The following TBATA variants were observed in gnomAD, a reference collection of about 807,000 sequenced individuals.
TBATA encodes thymus, brain and testes associated, also known as protein TBATA.
TBATA carries 47 observed loss-of-function variants against 38.7 expected under a neutral mutation model. The ratio of observed to expected loss-of-function variants is 1.21; its 90% CI spans 0.96 to 1.55. The LOEUF (loss-of-function observed/expected upper bound fraction) is 1.55, where lower values mean the gene tolerates loss of function less well. Among genes scored for constraint, TBATA ranks in the 40% most tolerant of loss-of-function variants. The pLI, the probability that TBATA is intolerant of heterozygous loss-of-function variation, is 0.00. For missense variants in TBATA, 436 were observed against 435.6 expected (o/e 1.00, Z -0.01); for synonymous variants, 183 against 170.5 (o/e 1.07, Z -0.57).
At position 70,781,851 on chromosome 10, in the gene TBATA, G is replaced by C; in HGVS notation, c.227C>G (p.Ser76Cys). 1 of 1,614,148 alleles carries C rather than the reference G, an allele frequency of 6.2e-7. No homozygotes were observed. Among genetic ancestry groups the C allele is most frequent in the Non-Finnish European group, 8.5e-7 (1 of 1,179,964 alleles). Residue 76 changes from serine to cysteine, a missense_variant, in exon 4 of 11, where the codon TCC becomes TGC. Coordinates refer to ENST00000456372, the MANE Select transcript of TBATA (RefSeq NM_001318241.2). ...TYCFGRLSHHSFFSRHHPHPQ... is the reference protein window; with the variant it reads ...TYCFGRLSHHCFFSRHHPHPQ... ...GTGTGGGTGGTGCCGGGAGAAGAAG[G>C]AGTGGTGACTGAGGCGTCCAAAGCA...
intron 8 of TBATA, 63 bp downstream of exon 8, chr10:70,775,126 A>C: frequency 6.7e-7 from 1 of 1,487,430 alleles, no homozygotes; most frequent in Non-Finnish European, 9.3e-7. Context: ...CTGCAGAACC[A>C]GAGATCAAGG....
intron 7 of TBATA, among the ~76,000 whole-genome samples, chr10:70,776,071 G>A (rs1411901691): frequency 2.0e-5 from 3 of 152,168 alleles, no homozygotes; most frequent in Admixed American, 6.5e-5. Context: ...GGCCTGAGGT[G>A]AAAGGTGGAA....
At chr10:70,783,842 C>T (rs183161700) in intron 2 of TBATA, among the ~76,000 whole-genome samples, 134 of 152,256 alleles carry the variant, frequency 8.8e-4, no homozygotes, top group African/African-American at 3.0e-3. Flanking sequence ...CTTAACAATT[C>T]TTGGTTTTGC....
At chr10:70,776,278 C>G (rs1564581289) in intron 7 of TBATA, 1 of 454,318 alleles carries the variant, frequency 2.2e-6, no homozygotes, top group African/African-American at 2.0e-5. Context: ...TGCTGACCCA[C>G]CCTGACCTGC....
chr10:70,772,336 A>G, intron 10 of TBATA, 178 bp downstream of exon 10: 1 of 744,580 alleles, frequency 1.3e-6, no homozygotes, highest in Non-Finnish European at 2.4e-6. Flanking sequence ...AGTTCAGCAC[A>G]TTGTGGGTGC....
intron 6 of TBATA, 146 bp downstream of exon 6, chr10:70,778,410 CT>C (rs1843695788): frequency 1.2e-6 from 1 of 829,498 alleles, no homozygotes; most frequent in Admixed American, 1.8e-5. Context: ...TGCTCTCTCC[CT>C]CACTGTGACC....
At position 70,778,685 on chromosome 10, in the gene TBATA, C is replaced by T. The variant is rs777794248; in HGVS notation, c.428-49G>A. The T allele has an allele frequency of 3.2e-6, 5 of 1,543,574 alleles. No homozygotes were observed. The South Asian group carries it at 3.3e-5, about 10-fold the overall frequency. On this transcript the variant is annotated intron_variant, in intron 5 of 10. Transcript: ENST00000456372. ...GCCAACTGAAGTCAGGGGCCCTCCT[C>T]CCCTCCCTGTGCCACCAGGCCTTGG... is the stretch of plus-strand genomic sequence containing the variant.
chr10:70,771,318 A>T lies in TBATA; in HGVS notation c.*58T>A, dbSNP rs1175904121. On this transcript the variant is annotated 3_prime_UTR_variant, in exon 11 of 11. Coordinates refer to ENST00000456372, the MANE Select transcript of TBATA (RefSeq NM_001318241.2). ...TGCTGTGAAGGTGGTGGAGACAGAAACACCCCTGAACCCTTGGGGCTGCTC... is the reference window on the plus strand; with the variant it reads ...TGCTGTGAAGGTGGTGGAGACAGAATCACCCCTGAACCCTTGGGGCTGCTC... The T allele has an allele frequency of 1.2e-6, 2 of 1,613,880 alleles. No individual in the cohort carries two copies. The highest frequency in any genetic ancestry group is 1.7e-6 in the Non-Finnish European group (2 of 1,179,848).
intron 9 of TBATA, among the ~76,000 whole-genome samples, chr10:70,773,972 C>A (rs1181123185): frequency 6.6e-6 from 1 of 152,382 alleles, no homozygotes; most frequent in East Asian, 1.9e-4. Flanking sequence ...AAAATTGACT[C>A]CGGTGGCCCC....
chr10:70,772,132 C>T (rs905024389), intron 10 of TBATA: 14 of 449,174 alleles, frequency 3.1e-5, no homozygotes, highest in African/African-American at 1.2e-4. Flanking sequence ...TCTTTCCTGC[C>T]GTTCAGCTCT....
intron 8 of TBATA, 25 bp downstream of exon 8, chr10:70,775,164 C>T: frequency 6.3e-7 from 1 of 1,596,636 alleles, no homozygotes; most frequent in South Asian, 1.1e-5. Flanking sequence ...TCCACTGAGA[C>T]AGTGCTGCGG....
intron 7 of TBATA, 51 bp downstream of exon 7, chr10:70,777,102 A>G: frequency 6.3e-7 from 1 of 1,580,154 alleles, no homozygotes; most frequent in Non-Finnish European, 8.6e-7. Context: ...GCGGTTTGTA[A>G]GACCCCTAAT....
At position 70,774,215 on chromosome 10, in the gene TBATA, G is replaced by T. The variant is rs1315101050; in HGVS notation, c.918C>A (p.Cys306Ter). The T allele has an allele frequency of 6.2e-7, 1 of 1,611,950 alleles. No homozygotes were observed. Among genetic ancestry groups the T allele is most frequent in the East Asian group, 2.2e-5 (1 of 44,860 alleles). Residue 306 changes from cysteine (C) to a stop codon, truncating the protein, a stop_gained and splice_region_variant, in exon 9 of 11, where the codon TGC becomes TGA. Coordinates refer to ENST00000456372, the MANE Select transcript of TBATA (RefSeq NM_001318241.2). LOFTEE classifies it high-confidence loss of function. ...GCAGGGCGGGGTGCGGGGCCCACCTGCAGGGTGGCTCTTGCTTCTCTTGAG... is the reference window on the plus strand; with the variant it reads ...GCAGGGCGGGGTGCGGGGCCCACCTTCAGGGTGGCTCTTGCTTCTCTTGAG... ...EPPQEKQEPP[C>*]SQSPKKTKIS...
chr10:70,783,403 G>T lies in TBATA; in HGVS notation c.-24C>A. The T allele has an allele frequency of 6.2e-7, 1 of 1,613,870 alleles. No homozygotes were observed. Among genetic ancestry groups the T allele is most frequent in the Non-Finnish European group, 8.5e-7 (1 of 1,179,778 alleles). ...ATTGTATGCTTTTTAACAGACTAAAGGCCAGTGCACTTAATACTAGCGTTG... is the reference window on the plus strand; with the variant it reads ...ATTGTATGCTTTTTAACAGACTAAATGCCAGTGCACTTAATACTAGCGTTG... On this transcript the variant is annotated 5_prime_UTR_variant, in exon 3 of 11. Coordinates refer to ENST00000456372, the MANE Select transcript of TBATA (RefSeq NM_001318241.2).
At chr10:70,778,931 C>T (rs983663101) in intron 5 of TBATA, among the ~76,000 whole-genome samples, 1 of 152,200 alleles carries the variant, frequency 6.6e-6, no homozygotes, top group Non-Finnish European at 1.5e-5. Flanking sequence ...ATTTGGTTAC[C>T]TGTGCCAAGA....
chr10:70,778,682 C>T (rs1843736557), intron 5 of TBATA, 46 bp from the exon 6 acceptor site: 1 of 1,549,920 alleles, frequency 6.5e-7, no homozygotes, highest in Non-Finnish European at 8.9e-7. Context: ...CAGGGGCCCT[C>T]CTCCCCTCCC....
In TBATA at chr10:70,778,648, GGA is replaced by G; in HGVS notation, c.428-14_428-13del. 1.9e-6 allele frequency: 3 copies of G among 1,613,836 alleles called. No homozygotes were observed. In the South Asian group the frequency reaches 3.3e-5, roughly 18 times the overall value. Reference sequence around the variant, plus strand: ...CTTCTTCCAGGCTTCTGGGAGGAGGGGACAAGGTCCTGCCAACTGAAGTCAGG... The same window carrying G: ...CTTCTTCCAGGCTTCTGGGAGGAGGGCAAGGTCCTGCCAACTGAAGTCAGG... On this transcript the variant is annotated splice_polypyrimidine_tract_variant and intron_variant, in intron 5 of 10. Coordinates refer to ENST00000456372, the MANE Select transcript of TBATA (RefSeq NM_001318241.2).
At position 70,779,594 on chromosome 10, in the gene TBATA, A is replaced by G. The variant is rs761796862; in HGVS notation, c.426T>C (p.Ser142=). 6.7e-7 allele frequency: 1 copy of G among 1,491,206 alleles called. No individual in the cohort carries two copies. The highest frequency in any genetic ancestry group is 8.9e-7 in the Non-Finnish European group (1 of 1,125,876). The allele number at this position is 1,491,206 out of a possible 1,614,324, so 92.4% of individuals were successfully genotyped here. A position where few individuals can be genotyped will look rare whatever the true frequency, so the allele number is the denominator to read the frequency against. Residue 142 remains serine (S), a splice_region_variant and synonymous_variant, in exon 5 of 11, where the codon TCT becomes TCC. Coordinates refer to ENST00000456372, the MANE Select transcript of TBATA (RefSeq NM_001318241.2). ...GGGAGGCATGGCCCAAGTACCCACC[A>G]GAAGAAAGCTGGGGGTTCCGATTAG... ...PQSNRNPQLS[S]EAWKKELKEL...
chr10:70,782,501 G>T lies in TBATA; in HGVS notation c.42-465C>A, dbSNP rs868179452. ...CTGTCATCCTCCCCCATGCACTCAGGAGTAGTCTTGGCTCAGACTCAGCGT... is the reference window on the plus strand; with the variant it reads ...CTGTCATCCTCCCCCATGCACTCAGTAGTAGTCTTGGCTCAGACTCAGCGT... On this transcript the variant is annotated intron_variant, in intron 3 of 10. Coordinates refer to ENST00000456372, the MANE Select transcript of TBATA (RefSeq NM_001318241.2). 8 of 1,284,090 alleles carry T rather than the reference G, an allele frequency of 6.2e-6. No individual in the cohort carries two copies. The African/African-American group carries it at 1.2e-4, about 20-fold the overall frequency. The allele number at this position is 1,284,090 out of a possible 1,614,324, so 79.5% of individuals were successfully genotyped here.
Sources: allele counts gnomAD v4.1 joint callset (sites outside exome capture counted in the v4.1 genomes callset), GRCh38; gene constraint gnomAD v4.1.1; transcripts MANE v1.5; gene names NCBI Gene and HGNC (gene_info 2026-07-23, HGNC 2026-07-21).